COL23A1: variants seen among roughly 807,000 people sequenced by gnomAD.
The protein encoded by COL23A1 is collagen alpha-1(XXIII) chain.
A neutral mutation model predicts 99.3 loss-of-function variants in COL23A1; 97 were observed. The observed-to-expected ratio is 0.98, with a 90% CI of 0.83 to 1.16. COL23A1 has a LOEUF of 1.16. COL23A1 is among the 50% of genes most tolerant of loss of function. The pLI is 0.00. For synonymous variants in COL23A1, 320 were observed against 308.2 expected (o/e 1.04, Z -0.40); for missense variants, 762 against 757.4 (o/e 1.01, Z -0.07).
At chr5:178,552,652 G>C (rs1310139182) in intron 2 of COL23A1, among the ~76,000 whole-genome samples, 1 of 150,840 alleles carries the variant, frequency 6.6e-6, no homozygotes, top group Non-Finnish European at 1.5e-5. Context: ...TTGAAAGCAG[G>C]AGTTCGAGAC....
At chr5:178,513,201 G>A (rs1181182147) in intron 2 of COL23A1, among the ~76,000 whole-genome samples, 1 of 152,216 alleles carries the variant, frequency 6.6e-6, no homozygotes, top group Non-Finnish European at 1.5e-5. Flanking sequence ...TGGCCACAGA[G>A]GTGGTGGCGA....
At chr5:178,541,772 C>T (rs1761301905) in intron 2 of COL23A1, among the ~76,000 whole-genome samples, 1 of 152,170 alleles carries the variant, frequency 6.6e-6, no homozygotes, top group Non-Finnish European at 1.5e-5. Context: ...ATGAATAACC[C>T]TCAACTGCAT....
chr5:178,250,905 C>T (rs1033195936), intron 17 of COL23A1, among the ~76,000 whole-genome samples: 13 of 148,112 alleles, frequency 8.8e-5, no homozygotes, highest in Non-Finnish European at 1.2e-4. Context: ...TGCTTGAACC[C>T]GGGAGACAGG....
chr5:178,346,000 GATAGAGTT>G (rs1760948717), intron 2 of COL23A1, among the ~76,000 whole-genome samples: 1 of 152,020 alleles, frequency 6.6e-6, no homozygotes, highest in Non-Finnish European at 1.5e-5. Context: ...TCATATCTAA[GATAGAGTT>G]ATAGAGTTAT....
intron 2 of COL23A1, among the ~76,000 whole-genome samples, chr5:178,538,079 G>A (rs1761081935): frequency 6.6e-6 from 1 of 152,158 alleles, no homozygotes; most frequent in Admixed American, 6.5e-5. Flanking sequence ...CTATTGTATG[G>A]ATATGCTGCA....
At chr5:178,301,159 C>T (rs1453962957) in intron 3 of COL23A1, among the ~76,000 whole-genome samples, 1 of 152,066 alleles carries the variant, frequency 6.6e-6, no homozygotes, top group African/African-American at 2.4e-5. Context: ...TATCAATTGA[C>T]CTATGTGCAA....
chr5:178,530,491 C>T (rs1244401887), intron 2 of COL23A1, among the ~76,000 whole-genome samples: 1 of 152,062 alleles, frequency 6.6e-6, no homozygotes, highest in Admixed American at 6.6e-5. Flanking sequence ...ACTTCTGTCC[C>T]CTTTGAATAT....
At chr5:178,266,060 GGA>G (rs1434367145) in intron 8 of COL23A1, among the ~76,000 whole-genome samples, 1 of 150,042 alleles carries the variant, frequency 6.7e-6, no homozygotes, top group Non-Finnish European at 1.5e-5. Flanking sequence ...TTTTTTTTTT[GGA>G]GACAGTCTCG....
rs904236000 is a variant in COL23A1 at position 178,257,022 on chromosome 5, G to A, written c.775-94C>T. 8.2e-6 allele frequency: 9 copies of A among 1,093,432 alleles called. No individual in the cohort carries two copies. The African/African-American group carries it at 1.2e-4, about 15-fold the overall frequency. The allele number at this position is 1,093,432 out of a possible 1,614,324, so 67.7% of individuals were successfully genotyped here. A position where few individuals can be genotyped will look rare whatever the true frequency, so the allele number is the denominator to read the frequency against. Reference sequence around the variant, plus strand: ...GTGCCTCGGGGTTGCCTGAAGCCTCGCGATTAGGCCTCCTGGCAAATTGTT... The same window carrying A: ...GTGCCTCGGGGTTGCCTGAAGCCTCACGATTAGGCCTCCTGGCAAATTGTT... On this transcript the variant is annotated intron_variant, in intron 13 of 28. Coordinates refer to ENST00000390654, the MANE Select transcript of COL23A1 (RefSeq NM_173465.4).
chr5:178,250,283 G>A (rs1764964084), intron 17 of COL23A1, among the ~76,000 whole-genome samples, 178 bp from the exon 18 acceptor site: 1 of 152,234 alleles, frequency 6.6e-6, no homozygotes, highest in African/African-American at 2.4e-5. Context: ...AGCAGATGTA[G>A]CCCATGGCTA....
chr5:178,246,415 A>ACCCGACGCACCCTTCTCTCC lies in COL23A1; in HGVS notation c.1315_1334dup (p.Gly448ArgfsTer39). ...CAGGCAGGCCGCTGGGGCCTCTCTC[A>ACCCGACGCACCCTTCTCTCC]CCCGACGCACCCTTCTCTCCCTTTG... On this transcript the variant is annotated frameshift_variant, in exon 23 of 29. Coordinates refer to ENST00000390654, the MANE Select transcript of COL23A1 (RefSeq NM_173465.4). LOFTEE classifies it high-confidence loss of function. 6.3e-7 allele frequency: 1 copy of ACCCGACGCACCCTTCTCTCC among 1,577,722 alleles called. No individual in the cohort carries two copies. Among genetic ancestry groups the ACCCGACGCACCCTTCTCTCC allele is most frequent in the Non-Finnish European group, 8.6e-7 (1 of 1,161,076 alleles).
rs1406412408 is a variant in COL23A1, at chr5:178,553,172, A to T, written c.361+7510T>A. 1.7e-4 allele frequency among the ~76,000 whole-genome samples: 14 copies of T among 80,850 alleles called. No homozygotes were observed. The East Asian group carries it at 5.4e-3, about 31-fold the overall frequency. 53.0% of individuals were successfully genotyped at this position (80,850 alleles called of 152,430 possible). A position where few individuals can be genotyped will look rare whatever the true frequency, so the allele number is the denominator to read the frequency against. ...CCGACAGAGTGAGATCCTATCTTAA[A>T]AAAAAAAAAAAAAAAAGTCCCAAGA... is the stretch of plus-strand genomic sequence containing the variant. On this transcript the variant is annotated intron_variant, in intron 2 of 28. Transcript: ENST00000390654.
rs1361311148 is a variant in COL23A1, at chr5:178,306,377, G to A, written c.406+498C>T. ...CTGGGTAGGGGGAGTTCTGGGTGAA[G>A]CAGAGACAGCAGGAAGGAAGGGTGG... On this transcript the variant is annotated intron_variant, in intron 3 of 28. Coordinates refer to ENST00000390654, the MANE Select transcript of COL23A1 (RefSeq NM_173465.4). This position sits in a 1 kb window ranked among gnomAD's most constrained non-coding sequence, Gnocchi z 4.1. Among the ~76,000 whole-genome samples the A allele has an allele frequency of 6.6e-6, 1 of 152,000 alleles. No homozygotes were observed. The highest frequency in any genetic ancestry group is 1.5e-5 in the Non-Finnish European group (1 of 67,964).
rs1031597881 is a variant in COL23A1, at chr5:178,544,926, AAAAATTAAC to A, written c.361+15747_361+15755del. 6.6e-6 allele frequency among the ~76,000 whole-genome samples: 1 copy of A among 152,052 alleles called. No homozygotes were observed. Among genetic ancestry groups the A allele is most frequent in the Non-Finnish European group, 1.5e-5 (1 of 68,000 alleles). On this transcript the variant is annotated intron_variant, in intron 2 of 28. Transcript: ENST00000390654. The surrounding 1 kb of genome is among the most constrained non-coding windows in gnomAD (Gnocchi z 4.4). ...TCTAGAACAACAACAACAAAAAAAG[AAAAATTAAC>A]AAAATTTAGCCAGGTGTGGTGGCAC...
Position 178,485,508 on chromosome 5 carries a change from C to G in COL23A1, c.361+75174G>C, listed in dbSNP as rs562434508. Among the ~76,000 whole-genome samples, 4 of 150,706 alleles carry G rather than the reference C, an allele frequency of 2.7e-5. No homozygotes were observed. The South Asian group carries it at 8.4e-4, about 32-fold the overall frequency. ...AGAAAAAAGTCCGGGTGTGGTGGCT[C>G]ATGCCTGTAATCCCAGCACTTTGGG... is the stretch of plus-strand genomic sequence containing the variant. On this transcript the variant is annotated intron_variant, in intron 2 of 28. Transcript: ENST00000390654.
rs138512150 is a variant in COL23A1, at chr5:178,313,278, C to T, written c.362-6359G>A. Among the ~76,000 whole-genome samples, 43 of 152,196 alleles carry T rather than the reference C, an allele frequency of 2.8e-4. No individual in the cohort carries two copies. In the East Asian group the frequency reaches 7.1e-3, roughly 25 times the overall value. ...TTCTGGAGAGGGATGGTGGTGGTGA[C>T]GGGTGCGTGACAATGTGAACATACT... is the stretch of plus-strand genomic sequence containing the variant. On this transcript the variant is annotated intron_variant, in intron 2 of 28. Transcript: ENST00000390654. The surrounding 1 kb of genome is among the most constrained non-coding windows in gnomAD (Gnocchi z 4.2).
chr5:178,403,996 G>A lies in COL23A1; in HGVS notation c.362-97077C>T, dbSNP rs533101443. ...AGAGAAGTTCAAAGGATCTTTTCTG[G>A]CCTTTGGTGAGATTCCCGGGAACAG... On this transcript the variant is annotated intron_variant, in intron 2 of 28. Coordinates refer to ENST00000390654, the MANE Select transcript of COL23A1 (RefSeq NM_173465.4). Among the ~76,000 whole-genome samples, 38 of 152,318 alleles carry A rather than the reference G, an allele frequency of 2.5e-4. No individual in the cohort carries two copies. The South Asian group carries it at 7.9e-3, about 32-fold the overall frequency.
chr5:178,247,751 C>T (rs1764783071), intron 21 of COL23A1, 24 bp downstream of exon 21: 7 of 1,612,332 alleles, frequency 4.3e-6, no homozygotes, highest in Non-Finnish European at 5.9e-6. Flanking sequence ...TGCTTCAAAC[C>T]AAACCAAAGC....
At chr5:178,358,123 G>A (rs1026216651) in intron 2 of COL23A1, among the ~76,000 whole-genome samples, 6 of 148,850 alleles carry the variant, frequency 4.0e-5, no homozygotes, top group African/African-American at 1.2e-4. Context: ...GTATGTGTAC[G>A]TGTGTACGTC....
Sources: allele counts gnomAD v4.1 joint callset (sites outside exome capture counted in the v4.1 genomes callset), GRCh38; gene constraint gnomAD v4.1.1; non-coding constraint Gnocchi (gnomAD v3.1); transcripts MANE v1.5; gene names NCBI Gene and HGNC (gene_info 2026-07-23, HGNC 2026-07-21).